SYNM: variants seen among roughly 807,000 people sequenced by gnomAD.
SYNM encodes the protein desmuslin.
A neutral mutation model predicts 104.0 loss-of-function variants in SYNM; 95 were observed. The observed-to-expected ratio is 0.91, with a 90% CI of 0.77 to 1.08. The LOEUF (loss-of-function observed/expected upper bound fraction) is 1.08, where lower values mean the gene tolerates loss of function less well. SYNM is among the 50% of genes least tolerant of loss of function. The pLI is 0.00. For synonymous variants in SYNM, 918 were observed against 869.0 expected (o/e 1.06, Z -0.99); for missense variants, 2,150 against 2,052.2 (o/e 1.05, Z -0.92).
chr15:99,126,882 C>G (rs142023719), intron 3 of SYNM, 90 bp downstream of exon 3: 1 of 1,201,730 alleles, frequency 8.3e-7, no homozygotes, highest in Admixed American at 2.5e-5. Context: ...TCGGGAAGAA[C>G]GGGTTAGATA....
chr15:99,105,814 G>C lies in SYNM; in HGVS notation c.615G>C (p.Glu205Asp). Reference sequence around the variant, plus strand: ...AGACGGTGCAGCTGTACGAGGACGAGGTGCGCGAGCTGGAGGAGGCGCTGC... The same window carrying C: ...AGACGGTGCAGCTGTACGAGGACGACGTGCGCGAGCTGGAGGAGGCGCTGC... ...WRETVQLYED[E>D]VRELEEALRR... The change falls in exon 1 of 4, where the codon GAG (glutamate) becomes GAC (aspartate). Residue 205 changes from glutamate to aspartate, a missense_variant. By Grantham distance (45) the Glu-to-Asp change is conservative (BLOSUM62 2). Transcript: ENST00000336292. The C allele has an allele frequency of 2.6e-6, 4 of 1,543,040 alleles. No homozygotes were observed. The highest frequency in any genetic ancestry group is 3.5e-6 in the Non-Finnish European group (4 of 1,145,656).
intron 2 of SYNM, among the ~76,000 whole-genome samples, chr15:99,121,058 G>A (rs2067396336): frequency 6.6e-6 from 1 of 152,156 alleles, no homozygotes; most frequent in African/African-American, 2.4e-5. Context: ...TTTGGGTGGT[G>A]GGGGAAGTGG....
intron 2 of SYNM, among the ~76,000 whole-genome samples, chr15:99,114,339 C>T (rs1015171660): frequency 6.6e-6 from 1 of 152,102 alleles, no homozygotes; most frequent in Non-Finnish European, 1.5e-5. Flanking sequence ...CACTCCCTAT[C>T]ATGAGAACAG....
chr15:99,138,471 G>C (rs957834960), downstream of SYNM, among the ~76,000 whole-genome samples: 1 of 152,016 alleles, frequency 6.6e-6, no homozygotes, highest in Admixed American at 6.6e-5. Context: ...ATGCCACCAC[G>C]CCCAGCTAAT....
In SYNM at chr15:99,130,643, G is replaced by A. The variant is rs563235224; in HGVS notation, c.2283G>A (p.Pro761=). The change falls in exon 4 of 4, where the codon CCG becomes CCA. Residue 761 remains proline (P), a synonymous_variant. Transcript: ENST00000336292. ...EPVSYVSGEK[P]EEFSVPFKVE... ...TGAGTTATGTCAGCGGGGAGAAGCC[G>A]GAGGAGTTTTCCGTCCCATTCAAAG... The A allele has an allele frequency of 5.9e-5, 96 of 1,613,594 alleles. No individual in the cohort carries two copies. The East Asian group carries it at 1.2e-3, about 20-fold the overall frequency.
chr15:99,131,795 C>G lies in SYNM; in HGVS notation c.3435C>G (p.Pro1145=). The G allele has an allele frequency of 6.2e-7, 1 of 1,613,990 alleles. No homozygotes were observed. The highest frequency in any genetic ancestry group is 2.2e-5 in the East Asian group (1 of 44,888). ...WRTERMSYEG[P]TAEVVEVSAG... ...CTGAGCGAATGTCATATGAAGGACC[C>G]ACTGCAGAAGTGGTGGAGGTAAGTG... Residue 1145 remains proline, a synonymous_variant, in exon 4 of 4, where the codon CCC becomes CCG. Transcript: ENST00000336292. The surrounding 1 kb of genome is among the most constrained non-coding windows in gnomAD (Gnocchi z 4.3).
intron 3 of SYNM, chr15:99,128,958 A>G (rs1358984775): frequency 1.1e-5 from 2 of 176,028 alleles, no homozygotes; most frequent in African/African-American, 4.8e-5. Context: ...GTAATTACAG[A>G]GCTCTTCTCT....
chr15:99,106,932 A>C (rs888925982), intron 1 of SYNM, among the ~76,000 whole-genome samples: 1 of 152,264 alleles, frequency 6.6e-6, no homozygotes, highest in Non-Finnish European at 1.5e-5. Context: ...GCTGTGAGTT[A>C]AAGATTTGAG....
intron 1 of SYNM, among the ~76,000 whole-genome samples, chr15:99,109,857 CAG>C (rs1395881033): frequency 1.6e-4 from 24 of 152,236 alleles, no homozygotes; most frequent in African/African-American, 5.5e-4. Context: ...GCACAGTGAA[CAG>C]GGGGTAGAGT....
Position 99,105,252 on chromosome 15 carries a change from T to C in SYNM, c.53T>C (p.Leu18Pro). ...CCCGAGAAGGCCGAGCTCCAGGAGC[T>C]CAACGCCCGGCTCTATGACTACGTG... is the stretch of plus-strand genomic sequence containing the variant. ...TGPEKAELQE[L>P]NARLYDYVCR... is the part of the protein sequence containing the mutation. Residue 18 changes from leucine to proline, a missense_variant, in exon 1 of 4, where the codon CTC (leucine) becomes CCC (proline). Transcript: ENST00000336292. 6.4e-7 allele frequency: 1 copy of C among 1,568,578 alleles called. No individual in the cohort carries two copies. The highest frequency in any genetic ancestry group is 1.4e-5 in the African/African-American group (1 of 73,936).
Position 99,129,705 on chromosome 15 carries a change from C to T in SYNM, c.1345C>T (p.Pro449Ser), listed in dbSNP as rs1199413651. 4 of 1,613,644 alleles carry T rather than the reference C, an allele frequency of 2.5e-6. No homozygotes were observed. In the African/African-American group the frequency reaches 4.0e-5, roughly 16 times the overall value. ...EAQVKTFPDR[P>S]KAGDTREVPV... ...TCAAGTGAAAACATTCCCTGACAGA[C>T]CAAAAGCCGGAGATACAAGGGAGGT... Residue 449 changes from proline (P) to serine (S), a missense_variant, in exon 4 of 4, where the codon CCA (proline) becomes TCA (serine). Coordinates refer to ENST00000336292, the MANE Select transcript of SYNM (RefSeq NM_145728.3).
At chr15:99,114,778 C>CG (rs1476884082) in intron 2 of SYNM, among the ~76,000 whole-genome samples, 1 of 33,120 alleles carries the variant, frequency 3.0e-5, no homozygotes, top group South Asian at 8.5e-4. Context: ...CTTGGCATCA[C>CG]CCTCCTTTCC....
intron 2 of SYNM, among the ~76,000 whole-genome samples, chr15:99,122,308 C>T (rs2067408413): frequency 6.6e-6 from 1 of 152,234 alleles, no homozygotes; most frequent in Admixed American, 6.5e-5. Context: ...GTTTACATCT[C>T]ATCATTCTAG....
In SYNM at chr15:99,130,278, G is replaced by A; in HGVS notation, c.1918G>A (p.Glu640Lys). The A allele has an allele frequency of 6.2e-7, 1 of 1,613,944 alleles. No homozygotes were observed. ...CGATTCCATGACAGAAACCGTAGCA[G>A]AAAACATCGTTACCAGTATCCTGAA... ...QGDSMTETVAENIVTSILKQF... is the reference protein window; with the variant it reads ...QGDSMTETVAKNIVTSILKQF... The change falls in exon 4 of 4, where the codon GAA becomes AAA. Residue 640 changes from glutamate (E) to lysine (K), a missense_variant. Coordinates refer to ENST00000336292, the MANE Select transcript of SYNM (RefSeq NM_145728.3).
At position 99,131,235 on chromosome 15, in the gene SYNM, AC is replaced by A. The variant is rs2067502486; in HGVS notation, c.2878del (p.Leu960PhefsTer5). 1.2e-6 allele frequency: 2 copies of A among 1,608,870 alleles called. No homozygotes were observed. Among genetic ancestry groups the A allele is most frequent in the Admixed American group, 1.7e-5 (1 of 59,284 alleles). ...GGAGGTCATCGGGCAGCTGGAGGAA[AC>A]CCTTCCCGAGCGCATGAGGGAGGAG... ...LVEVIGQLEE[T>X]LPERMREELS... is the part of the protein sequence containing the mutation. On this transcript the variant is annotated frameshift_variant, in exon 4 of 4. Transcript: ENST00000336292. LOFTEE classifies it high-confidence loss of function. The surrounding 1 kb of genome is among the most constrained non-coding windows in gnomAD (Gnocchi z 4.3).
intron 1 of SYNM, among the ~76,000 whole-genome samples, chr15:99,112,293 T>C (rs1555483479): frequency 6.6e-6 from 1 of 152,244 alleles, no homozygotes; most frequent in African/African-American, 2.4e-5. Flanking sequence ...ATAATGCTAC[T>C]TCCCATTACA....
chr15:99,107,077 C>T lies in SYNM; in HGVS notation c.810+1068C>T, dbSNP rs151008889. 1.3e-3 allele frequency among the ~76,000 whole-genome samples: 198 copies of T among 152,352 alleles called. 1 individual carries two copies. Among genetic ancestry groups the T allele is most frequent in the African/African-American group, 4.4e-3 (181 of 41,586 alleles). The stretch of plus-strand genomic sequence containing the variant: ...CCTGGGTCCCCAGCACTGCCCTAGA[C>T]TTTCAGTATGCAAAGAGCTACAGGC... On this transcript the variant is annotated intron_variant, in intron 1 of 3. Transcript: ENST00000336292.
At chr15:99,106,030 C>G in intron 1 of SYNM, 21 bp downstream of exon 1, 1 of 1,431,404 alleles carries the variant, frequency 7.0e-7, no homozygotes, top group Non-Finnish European at 9.1e-7. Flanking sequence ...GGGGATGGCG[C>G]GCTGACCCCA....
At chr15:99,138,684 G>A (rs1253955540), downstream of SYNM, among the ~76,000 whole-genome samples, 2 of 152,224 alleles carry the variant, frequency 1.3e-5, no homozygotes, top group South Asian at 2.1e-4. Context: ...CTGGCTTGGT[G>A]AGCAGGACAT....
Sources: gnomAD v4.1 joint callset for allele counts (sites outside exome capture counted in the v4.1 genomes callset) on GRCh38, gnomAD v4.1.1 for gene constraint, Gnocchi (gnomAD v3.1) non-coding constraint, MANE v1.5 for transcripts, NCBI Gene and HGNC (gene_info 2026-07-23, HGNC 2026-07-21) for gene names.